ESR2: variants seen among roughly 807,000 people sequenced by gnomAD.
ESR2 encodes the protein estrogen receptor beta.
Under a neutral mutation model 49.6 loss-of-function variants are expected in ESR2, and 36 were observed. The observed-to-expected ratio is 0.73, with a 90% CI of 0.56 to 0.96. The LOEUF (loss-of-function observed/expected upper bound fraction) is 0.96. Among genes scored for constraint, ESR2 ranks in the 40% least tolerant of loss-of-function variants. The pLI is 0.00. For missense variants in ESR2, 714 were observed against 693.0 expected (o/e 1.03, Z -0.34); for synonymous variants, 320 against 266.1 (o/e 1.20, Z -1.97).
downstream of ESR2, chr14:64,227,797 C>A (rs2140574245): frequency 2.6e-6 from 4 of 1,551,614 alleles, no homozygotes; most frequent in East Asian, 9.0e-5. Context: ...CAGTGTATTC[C>A]CAAAACTCTT....
chr14:64,302,946 CT>C (rs2077044269), intron 1 of ESR2, among the ~76,000 whole-genome samples: 1 of 152,126 alleles, frequency 6.6e-6, no homozygotes, highest in Non-Finnish European at 1.5e-5. Flanking sequence ...CCACAGGCAC[CT>C]GCCACCACGC....
At chr14:64,276,947 TC>T (rs1308905777) in intron 3 of ESR2, among the ~76,000 whole-genome samples, 1 of 152,200 alleles carries the variant, frequency 6.6e-6, no homozygotes, top group East Asian at 1.9e-4. Context: ...GAATCTATAA[TC>T]TATTGTCTTG....
At chr14:64,260,047 C>T in intron 5 of ESR2, 2 of 452,604 alleles carry the variant, frequency 4.4e-6, no homozygotes, top group Non-Finnish European at 8.9e-6. Flanking sequence ...TCCCAGACCA[C>T]CTCTAGGCAT....
At chr14:64,288,887 G>A (rs1319693787) in intron 1 of ESR2, among the ~76,000 whole-genome samples, 2 of 150,800 alleles carry the variant, frequency 1.3e-5, no homozygotes, top group Admixed American at 6.6e-5. Context: ...TCAGAAGGCT[G>A]AGGCAGGAGA....
At chr14:64,327,204 A>G (rs1026087884) in intron 1 of ESR2, among the ~76,000 whole-genome samples, 2 of 152,216 alleles carry the variant, frequency 1.3e-5, no homozygotes, top group African/African-American at 4.8e-5. Context: ...AGTAGACTAA[A>G]GTAATTCAAA....
At chr14:64,275,805 T>C (rs2076547495) in intron 3 of ESR2, among the ~76,000 whole-genome samples, 1 of 152,236 alleles carries the variant, frequency 6.6e-6, no homozygotes, top group Non-Finnish European at 1.5e-5. Flanking sequence ...AACAGTGTTA[T>C]ATTATTCTGT....
Position 64,253,643 on chromosome 14 carries a change from C to A in ESR2, c.1091+3583G>T, listed in dbSNP as rs140369785. Reference sequence around the variant, plus strand: ...GTATATATATATATATATCTCTGCTCGCAGCACACACCTGGGTACAGACCA... The same window carrying A: ...GTATATATATATATATATCTCTGCTAGCAGCACACACCTGGGTACAGACCA... On this transcript the variant is annotated intron_variant, in intron 6 of 8. Coordinates refer to ENST00000341099, the MANE Select transcript of ESR2 (RefSeq NM_001437.3). 2.3e-3 allele frequency among the ~76,000 whole-genome samples: 349 copies of A among 150,094 alleles called. 4 individuals are homozygous for A. Among genetic ancestry groups the A allele is most frequent in the African/African-American group, 8.4e-3 (337 of 40,318 alleles).
intron 7 of ESR2, among the ~76,000 whole-genome samples, chr14:64,238,374 A>G (rs1228903641): frequency 2.0e-5 from 3 of 152,182 alleles, no homozygotes; most frequent in African/African-American, 7.2e-5. Context: ...CAGTGTATAT[A>G]CAAAAAGACT....
intron 4 of ESR2, among the ~76,000 whole-genome samples, chr14:64,266,183 T>C (rs1402255970): frequency 6.6e-6 from 1 of 152,158 alleles, no homozygotes; most frequent in Non-Finnish European, 1.5e-5. Flanking sequence ...CATGAAACAG[T>C]GTTGTATCAA....
chr14:64,262,027 C>T (rs1345256944), intron 4 of ESR2, among the ~76,000 whole-genome samples: 4 of 151,984 alleles, frequency 2.6e-5, no homozygotes, highest in African/African-American at 4.8e-5. Context: ...TTAATGTTTG[C>T]TAATCTAACT....
chr14:64,290,393 C>A (rs1017330066), intron 1 of ESR2, among the ~76,000 whole-genome samples: 1 of 150,678 alleles, frequency 6.6e-6, no homozygotes, highest in African/African-American at 2.5e-5. Flanking sequence ...TAAATGTATT[C>A]TTATTTATTT....
At chr14:64,289,299 G>A (rs541855471) in intron 1 of ESR2, among the ~76,000 whole-genome samples, 2 of 152,058 alleles carry the variant, frequency 1.3e-5, no homozygotes. Flanking sequence ...GATCACCTGA[G>A]GTCGGGAGTT....
intron 3 of ESR2, among the ~76,000 whole-genome samples, chr14:64,272,221 C>G (rs995614971): frequency 6.6e-6 from 1 of 152,168 alleles, no homozygotes. Flanking sequence ...GTTTACTCAG[C>G]TCTTTTGCCC....
At chr14:64,334,548 C>T (rs1193169698) in intron 1 of ESR2, among the ~76,000 whole-genome samples, 1 of 152,204 alleles carries the variant, frequency 6.6e-6, no homozygotes, top group Non-Finnish European at 1.5e-5. Context: ...TCCACATTGG[C>T]CATATTCTAC....
intron 1 of ESR2, 45 bp from the exon 2 acceptor site, chr14:64,283,120 G>A: frequency 1.3e-6 from 1 of 763,140 alleles, no homozygotes; most frequent in Non-Finnish European, 2.0e-6. Flanking sequence ...AGCTACAGCT[G>A]TTAACTATGA....
At chr14:64,281,859 T>C (rs2076676302) in intron 2 of ESR2, among the ~76,000 whole-genome samples, 1 of 152,240 alleles carries the variant, frequency 6.6e-6, no homozygotes, top group African/African-American at 2.4e-5. Flanking sequence ...AAAAAGCTTA[T>C]ACCAATCATC....
At chr14:64,267,720 C>CAA (rs550076289) in intron 4 of ESR2, among the ~76,000 whole-genome samples, 5 of 133,814 alleles carry the variant, frequency 3.7e-5, no homozygotes, top group South Asian at 2.4e-4. Flanking sequence ...ACTAAAAATA[C>CAA]AAAAAAAAAA....
chr14:64,310,129 C>G (rs2077167818), intron 1 of ESR2, among the ~76,000 whole-genome samples: 1 of 151,228 alleles, frequency 6.6e-6, no homozygotes, highest in Middle Eastern at 3.4e-3. Flanking sequence ...AAAACTTAGC[C>G]GAGCACGCTG....
In ESR2 at chr14:64,279,967, C is replaced by T. The variant is rs145572589; in HGVS notation, c.535+14G>A. 4.1e-4 allele frequency: 660 copies of T among 1,601,862 alleles called. No individual in the cohort carries two copies. Among genetic ancestry groups the T allele is most frequent in the Non-Finnish European group, 4.7e-4 (553 of 1,170,680 alleles). On this transcript the variant is annotated intron_variant, in intron 3 of 8. Coordinates refer to ENST00000341099, the MANE Select transcript of ESR2 (RefSeq NM_001437.3). ...AGTAGGAAACTAAAGAAGCAGTTAA[C>T]AATTCTCTTGTACCTTGAATGCTTC...
Sources: allele counts gnomAD v4.1 joint callset (sites outside exome capture counted in the v4.1 genomes callset), GRCh38; gene constraint gnomAD v4.1.1; transcripts MANE v1.5; gene names NCBI Gene and HGNC (gene_info 2026-07-23, HGNC 2026-07-21).